Variants in USH2A observed in about 807,000 individuals in gnomAD.
USH2A encodes the protein Usher syndrome 2A (autosomal recessive, mild).
USH2A carries 443 observed loss-of-function variants against 538.9 expected under a neutral mutation model. The ratio of observed to expected loss-of-function variants is 0.82; its 90% CI spans 0.76 to 0.89. The LOEUF is 0.89. USH2A is among the 40% of genes least tolerant of loss of function. The probability of loss-of-function intolerance (pLI) is 0.00; values close to 1 mark genes in which losing one functional copy is unlikely to be tolerated. For missense variants in USH2A, 6,633 were observed against 6,324.8 expected, an observed-to-expected ratio of 1.05 and a Z score of -1.65; for synonymous variants, 2,413 against 2,273.5, an observed-to-expected ratio of 1.06 and a Z score of -1.75.
At chr1:215,927,257 C>T (rs1666259816) in intron 38 of USH2A, among the ~76,000 whole-genome samples, 1 of 152,074 alleles carries the variant, frequency 6.6e-6, no homozygotes, top group Non-Finnish European at 1.5e-5. Context: ...TAGGATATTA[C>T]AAAAGCCTGA....
intron 11 of USH2A, among the ~76,000 whole-genome samples, chr1:216,269,520 C>T (rs985163839): frequency 6.6e-5 from 10 of 152,178 alleles, no homozygotes; most frequent in Middle Eastern, 3.4e-3. Flanking sequence ...CTCTCAAATG[C>T]ATGATCATAA....
intron 61 of USH2A, among the ~76,000 whole-genome samples, chr1:215,704,473 C>T (rs984789330): frequency 6.6e-6 from 1 of 152,182 alleles, no homozygotes; most frequent in Non-Finnish European, 1.5e-5. Flanking sequence ...GAGTCAAGTG[C>T]AAGAATCAAG....
intron 37 of USH2A, among the ~76,000 whole-genome samples, chr1:215,946,841 C>G (rs937080806): frequency 2.0e-4 from 30 of 152,108 alleles, no homozygotes; most frequent in African/African-American, 7.0e-4. Context: ...TGTGGATCTA[C>G]TTTCTCAACT....
At chr1:215,900,274 A>T in intron 39 of USH2A, 57 bp from the exon 40 acceptor site, 1 of 1,595,402 alleles carries the variant, frequency 6.3e-7, no homozygotes, top group Non-Finnish European at 8.6e-7. Flanking sequence ...AAATAAAAGC[A>T]AGTAAATTTC....
At chr1:216,361,071 G>A (rs2038481882) in intron 4 of USH2A, among the ~76,000 whole-genome samples, 1 of 152,020 alleles carries the variant, frequency 6.6e-6, no homozygotes, top group Non-Finnish European at 1.5e-5. Flanking sequence ...GATCACTGGG[G>A]CAGAATAGAA....
At chr1:215,942,881 TG>T (rs1045424058) in intron 37 of USH2A, among the ~76,000 whole-genome samples, 2 of 152,066 alleles carry the variant, frequency 1.3e-5, no homozygotes, top group African/African-American at 4.8e-5. Context: ...TGTGCTGAGT[TG>T]GGGGAAAAAG....
At chr1:216,347,542 A>G (rs2038201861) in intron 4 of USH2A, among the ~76,000 whole-genome samples, 1 of 152,146 alleles carries the variant, frequency 6.6e-6, no homozygotes, top group South Asian at 2.1e-4. Flanking sequence ...TACAGGAAGC[A>G]TAGAAAAATA....
rs772211390 is a variant in USH2A at position 216,246,633 on chromosome 1, G to T, written c.2761C>A (p.Leu921Met). 1.9e-6 allele frequency: 3 copies of T among 1,613,950 alleles called. No individual in the cohort carries two copies. The African/African-American group carries it at 4.0e-5, about 22-fold the overall frequency. ...CTTCCTTGACGATTAGGCACACACA[G>T]GCACTGGCCACTGATTGGGTCACAA... ...TICDPISGQC[L>M]CVPNRQGRRC... The change falls in exon 13 of 72, where the codon CTG becomes ATG. Residue 921 changes from leucine to methionine, a missense_variant. By Grantham distance (15) the Leu-to-Met change is conservative. Coordinates refer to ENST00000307340, the MANE Select transcript of USH2A (RefSeq NM_206933.4).
Position 215,673,536 on chromosome 1 carries a change from G to T in USH2A, c.13811+564C>A, listed in dbSNP as rs74365491. Among the ~76,000 whole-genome samples, 3 of 152,248 alleles carry T rather than the reference G, an allele frequency of 2.0e-5. No individual in the cohort carries two copies. In the East Asian group the frequency reaches 5.8e-4, roughly 29 times the overall value. The stretch of plus-strand genomic sequence containing the variant: ...CATGTCACAGAGCCCAGATGGGACC[G>T]CTAGGAAAACATGAGCTAGCAAAGT... On this transcript the variant is annotated intron_variant, in intron 63 of 71. Coordinates refer to ENST00000307340, the MANE Select transcript of USH2A (RefSeq NM_206933.4).
chr1:216,198,742 T>C (rs988414298), intron 17 of USH2A, among the ~76,000 whole-genome samples, 158 bp from the exon 18 acceptor site: 4 of 152,172 alleles, frequency 2.6e-5, no homozygotes, highest in African/African-American at 7.2e-5. Context: ...AGTGATTTAG[T>C]AGTTTAGTAA....
At chr1:215,933,602 G>A (rs1234516134) in intron 38 of USH2A, among the ~76,000 whole-genome samples, 2 of 151,808 alleles carry the variant, frequency 1.3e-5, no homozygotes, top group African/African-American at 2.4e-5. Context: ...GCAGGGGAGC[G>A]GTTCCATACA....
intron 55 of USH2A, among the ~76,000 whole-genome samples, chr1:215,778,331 C>T (rs1473561399): frequency 1.3e-5 from 2 of 152,172 alleles, no homozygotes; most frequent in Admixed American, 6.5e-5. Flanking sequence ...AGATTACAGG[C>T]ATGAGCCACC....
At chr1:215,870,663 A>G (rs576914935) in intron 43 of USH2A, among the ~76,000 whole-genome samples, 30 of 152,080 alleles carry the variant, frequency 2.0e-4, no homozygotes, top group Non-Finnish European at 3.5e-4. Context: ...CTGAATTCCA[A>G]TCTGTATTTA....
At chr1:215,755,986 A>T (rs1386542042) in intron 58 of USH2A, among the ~76,000 whole-genome samples, 1 of 152,214 alleles carries the variant, frequency 6.6e-6, no homozygotes, top group African/African-American at 2.4e-5. Flanking sequence ...TTATTTTGAA[A>T]ATTGGGGCTT....
intron 3 of USH2A, among the ~76,000 whole-genome samples, chr1:216,410,799 T>G (rs1340574649): frequency 1.3e-5 from 2 of 152,140 alleles, no homozygotes; most frequent in Non-Finnish European, 2.9e-5. Context: ...TATTCCTTCA[T>G]CAACAAGCCC....
intron 60 of USH2A, among the ~76,000 whole-genome samples, chr1:215,732,933 CAAATA>C (rs1660047942): frequency 6.6e-6 from 1 of 152,058 alleles, no homozygotes; most frequent in Non-Finnish European, 1.5e-5. Context: ...GCTTTTCTCT[CAAATA>C]AGAGTTATCA....
At chr1:216,072,748 T>C in intron 29 of USH2A, 141 bp downstream of exon 29, 1 of 785,554 alleles carries the variant, frequency 1.3e-6, no homozygotes, top group Non-Finnish European at 2.2e-6. Context: ...CATTGACAGA[T>C]GTATTTTCAA....
At chr1:215,791,328 A>G (rs897408429) in intron 50 of USH2A, among the ~76,000 whole-genome samples, 19 of 152,364 alleles carry the variant, frequency 1.2e-4, no homozygotes, top group African/African-American at 4.6e-4. Flanking sequence ...GATAACATAA[A>G]GAACCTCAAA....
intron 38 of USH2A, among the ~76,000 whole-genome samples, chr1:215,914,068 CTTTTTTTTTTTT>C (rs11366554): frequency 1.1e-5 from 1 of 92,006 alleles, no homozygotes; most frequent in Non-Finnish European, 2.1e-5. Flanking sequence ...AAGCAACAGA[CTTTTTTTTTTTT>C]TTTTTTTTTT....
Sources: allele counts gnomAD v4.1 joint callset (sites outside exome capture counted in the v4.1 genomes callset), GRCh38; gene constraint gnomAD v4.1.1; transcripts MANE v1.5; gene names NCBI Gene and HGNC (gene_info 2026-07-23, HGNC 2026-07-21).